Variants in NFIB observed in about 807,000 individuals in gnomAD.
The protein encoded by NFIB is nuclear factor I B, also known as nuclear factor 1 B-type.
NFIB carries 11 observed loss-of-function variants against 61.5 expected under a neutral mutation model. The ratio of observed to expected loss-of-function variants is 0.18; its 90% confidence interval spans 0.11 to 0.30. The LOEUF (loss-of-function observed/expected upper bound fraction) is 0.30, where lower values mean the gene tolerates loss of function less well. NFIB is among the 10% of genes least tolerant of loss of function. The pLI is 1.00. For missense variants in NFIB, 471 were observed against 608.9 expected, an observed-to-expected ratio of 0.77 and a Z score of 2.38; for synonymous variants, 260 against 216.5, an observed-to-expected ratio of 1.20 and a Z score of -1.76.
At chr9:14,154,910 T>C (rs1417264356) in intron 4 of NFIB, among the ~76,000 whole-genome samples, 1 of 152,166 alleles carries the variant, frequency 6.6e-6, no homozygotes, top group East Asian at 1.9e-4. Flanking sequence ...TTACTCTTTG[T>C]TCTTTCTGGA....
chr9:14,208,409 C>G (rs1238137453), intron 2 of NFIB, among the ~76,000 whole-genome samples: 2 of 152,270 alleles, frequency 1.3e-5, no homozygotes, highest in South Asian at 4.1e-4. Context: ...ATTATTCTCA[C>G]GTCTACTTGT....
At chr9:14,134,913 A>AAAAAG (rs1554644521) in intron 6 of NFIB, among the ~76,000 whole-genome samples, 1 of 133,320 alleles carries the variant, frequency 7.5e-6, no homozygotes, top group African/African-American at 2.6e-5. Flanking sequence ...AAAAAAAAAA[A>AAAAAG]AAAAAAAGGA....
intron 2 of NFIB, among the ~76,000 whole-genome samples, chr9:14,245,781 G>A (rs773873836): frequency 4.6e-5 from 7 of 152,094 alleles, no homozygotes; most frequent in Non-Finnish European, 8.8e-5. Context: ...GCTGAGGCAC[G>A]AGAATCGCTT....
chr9:14,290,570 T>C (rs563500886), intron 2 of NFIB, among the ~76,000 whole-genome samples: 1 of 152,030 alleles, frequency 6.6e-6, no homozygotes, highest in Non-Finnish European at 1.5e-5. Flanking sequence ...AAAACAAACA[T>C]TAAAACTCAC....
chr9:14,180,002 A>G (rs909336910), intron 2 of NFIB, among the ~76,000 whole-genome samples: 1 of 152,200 alleles, frequency 6.6e-6, no homozygotes, highest in Non-Finnish European at 1.5e-5. Context: ...GTATTGATCT[A>G]TAATTTTCTT....
chr9:14,143,642 A>T (rs2041984289), intron 6 of NFIB, among the ~76,000 whole-genome samples: 1 of 152,208 alleles, frequency 6.6e-6, no homozygotes, highest in Non-Finnish European at 1.5e-5. Flanking sequence ...GTTATTGAGT[A>T]TCAATTAGTG....
intron 6 of NFIB, among the ~76,000 whole-genome samples, chr9:14,145,709 G>GGT (rs961104535): frequency 6.7e-6 from 1 of 148,300 alleles, no homozygotes; most frequent in African/African-American, 2.5e-5. Context: ...AGAGTACAGT[G>GGT]GTGTGATCAC....
At chr9:14,356,013 TC>T (rs1178598064) in intron 1 of NFIB, among the ~76,000 whole-genome samples, 3 of 152,016 alleles carry the variant, frequency 2.0e-5, no homozygotes, top group African/African-American at 7.3e-5. Context: ...TCTTAAACTT[TC>T]AACAACGGGC....
the NFIB span, among the ~76,000 whole-genome samples, chr9:14,451,702 G>C: frequency 6.6e-6 from 1 of 152,138 alleles, no homozygotes; most frequent in East Asian, 1.9e-4. Flanking sequence ...AGTAACTTAA[G>C]AGGGCTTTAG....
At chr9:14,494,698 TA>T in the NFIB span, among the ~76,000 whole-genome samples, 6 of 152,228 alleles carry the variant, frequency 3.9e-5, no homozygotes, top group Admixed American at 3.3e-4. Context: ...CCAGTGATTT[TA>T]CATCAGCAAA....
intron 2 of NFIB, among the ~76,000 whole-genome samples, chr9:14,229,819 C>T (rs1587780349): frequency 6.6e-6 from 1 of 152,202 alleles, no homozygotes; most frequent in Non-Finnish European, 1.5e-5. Flanking sequence ...CATCCTGCAG[C>T]CACTAACATC....
At chr9:14,164,308 T>C (rs1364698830) in intron 3 of NFIB, among the ~76,000 whole-genome samples, 4 of 152,024 alleles carry the variant, frequency 2.6e-5, no homozygotes, top group Non-Finnish European at 5.9e-5. Context: ...TGTATGAACA[T>C]CACAGAGTGT....
the NFIB span, among the ~76,000 whole-genome samples, chr9:14,427,955 T>TTGTTTTTTG: frequency 8.3e-6 from 1 of 120,020 alleles, no homozygotes; most frequent in African/African-American, 3.1e-5. Context: ...TTTTTTTTTT[T>TTGTTTTTTG]TTTTTTTTTG....
chr9:14,472,648 T>C, the NFIB span, among the ~76,000 whole-genome samples: 16 of 152,238 alleles, frequency 1.1e-4, no homozygotes, highest in African/African-American at 3.4e-4. Flanking sequence ...GAAACCATCC[T>C]GGCTAACACG....
chr9:14,161,411 T>C (rs765380097), intron 3 of NFIB, among the ~76,000 whole-genome samples: 4 of 152,046 alleles, frequency 2.6e-5, no homozygotes, highest in Non-Finnish European at 5.9e-5. Context: ...TAGGTGATCT[T>C]GGAGGGAGTC....
In NFIB at chr9:14,306,996, C is replaced by T; in HGVS notation, c.555G>A (p.Gln185=). 6.2e-7 allele frequency: 1 copy of T among 1,614,030 alleles called. No individual in the cohort carries two copies. The highest frequency in any genetic ancestry group is 8.5e-7 in the Non-Finnish European group (1 of 1,179,932). The change falls in exon 2 of 11, where the codon CAG becomes CAA. Residue 185 remains glutamine, a synonymous_variant. Transcript: ENST00000380953. ...AGAACAATCTGCTCCTACCTTGCTC[C>T]TGCACGTAGTATGCCAAAAACAAAT... is the stretch of plus-strand genomic sequence containing the variant. ...ELDLFLAYYV[Q]EQDSGQSGSP...
At chr9:14,128,746 G>C (rs2040028432) in intron 6 of NFIB, among the ~76,000 whole-genome samples, 1 of 150,848 alleles carries the variant, frequency 6.6e-6, no homozygotes, top group South Asian at 2.1e-4. Context: ...AAACAGAACA[G>C]TGTCGTTCTG....
At chr9:14,305,732 G>A (rs2059984145) in intron 2 of NFIB, 1 of 239,734 alleles carries the variant, frequency 4.2e-6, no homozygotes, top group Non-Finnish European at 8.0e-6. Flanking sequence ...CTAGAATTCA[G>A]AGTCAAAAAA....
At chr9:14,215,760 A>C (rs972471423) in intron 2 of NFIB, among the ~76,000 whole-genome samples, 3 of 152,234 alleles carry the variant, frequency 2.0e-5, no homozygotes, top group Non-Finnish European at 4.4e-5. Context: ...TATTACCAAA[A>C]GCAAACATTA....
Sources: allele counts gnomAD v4.1 joint callset (sites outside exome capture counted in the v4.1 genomes callset), GRCh38; gene constraint gnomAD v4.1.1; transcripts MANE v1.5; gene names NCBI Gene and HGNC (gene_info 2026-07-23, HGNC 2026-07-21).